The following ERCC6L2 variants were observed in gnomAD, a reference collection of about 807,000 sequenced individuals.
ERCC6L2 encodes ERCC excision repair 6 like 2.
ERCC6L2 carries 77 observed loss-of-function variants against 132.0 expected under a neutral mutation model. That is an observed-to-expected ratio of 0.58 (90% CI 0.49 to 0.71). The LOEUF is 0.71. Among genes scored for constraint, ERCC6L2 ranks in the 30% least tolerant of loss-of-function variants. ERCC6L2 has a pLI of 0.00. For synonymous variants in ERCC6L2, 583 were observed against 632.4 expected (o/e 0.92, Z 1.17); for missense variants, 1,542 against 1,837.6 (o/e 0.84, Z 2.94).
At chr9:95,931,811 T>G (rs1273076492) in intron 11 of ERCC6L2, among the ~76,000 whole-genome samples, 1 of 151,954 alleles carries the variant, frequency 6.6e-6, no homozygotes, top group Non-Finnish European at 1.5e-5. Flanking sequence ...TTTTTTGTGC[T>G]GGGTACAGTA....
At chr9:95,988,340 T>C (rs636456) in intron 17 of ERCC6L2, among the ~76,000 whole-genome samples, 95,907 of 152,076 alleles carry the variant, frequency 0.63, 30,735 homozygotes, top group African/African-American at 0.72. Context: ...CTAGGATCTG[T>C]TCTCACCGCT....
intron 13 of ERCC6L2, among the ~76,000 whole-genome samples, chr9:95,960,045 A>G (rs1480853300): frequency 1.3e-5 from 2 of 152,130 alleles, no homozygotes; most frequent in East Asian, 1.9e-4. Flanking sequence ...ATCCTATCCC[A>G]TTTGGACCAA....
intron 2 of ERCC6L2, among the ~76,000 whole-genome samples, chr9:95,882,716 A>G (rs1189829788): frequency 6.6e-6 from 1 of 152,216 alleles, no homozygotes; most frequent in East Asian, 1.9e-4. Flanking sequence ...GTCTGGTGTG[A>G]AAAACTAGGC....
At chr9:95,935,053 A>C (rs990623650) in intron 11 of ERCC6L2, among the ~76,000 whole-genome samples, 1 of 152,192 alleles carries the variant, frequency 6.6e-6, no homozygotes, top group Non-Finnish European at 1.5e-5. Flanking sequence ...TCAACTACTA[A>C]TATCTTCATG....
At chr9:95,976,732 GCTT>G (rs1832688773) in intron 16 of ERCC6L2, among the ~76,000 whole-genome samples, 2 of 152,102 alleles carry the variant, frequency 1.3e-5, no homozygotes, top group African/African-American at 2.4e-5. Context: ...AGATTCTCCT[GCTT>G]CTTCTGCTGT....
intron 11 of ERCC6L2, among the ~76,000 whole-genome samples, chr9:95,932,859 C>T (rs773547058): frequency 1.3e-5 from 2 of 152,102 alleles, no homozygotes; most frequent in East Asian, 1.9e-4. Context: ...GTCCTCAGTT[C>T]GAAAAGAGCA....
At position 95,947,968 on chromosome 9, in the gene ERCC6L2, T is replaced by C. The variant is rs141248028; in HGVS notation, c.1847+6419T>C. 2.0e-3 allele frequency among the ~76,000 whole-genome samples: 306 copies of C among 152,362 alleles called. 4 individuals are homozygous for C. The highest frequency in any genetic ancestry group is 3.1e-4 in the Non-Finnish European group (21 of 68,034). ...GTTCTGATGGAGATATACAAGGAGA[T>C]TAATGTTGTTTATGCAGTAACACAA... On this transcript the variant is annotated intron_variant, in intron 12 of 18. Coordinates refer to ENST00000653738, the MANE Select transcript of ERCC6L2 (RefSeq NM_020207.7).
At chr9:95,907,494 C>T (rs1005052457) in intron 4 of ERCC6L2, among the ~76,000 whole-genome samples, 7 of 151,562 alleles carry the variant, frequency 4.6e-5, no homozygotes, top group African/African-American at 1.5e-4. Context: ...TGTGAGCCAC[C>T]GTGCCAAGCC....
chr9:96,012,585 TAGAGA>T lies in ERCC6L2; in HGVS notation c.4040_4044del (p.Glu1347GlyfsTer4). The T allele has an allele frequency of 7.3e-7, 1 of 1,367,624 alleles. No individual in the cohort carries two copies. Among genetic ancestry groups the T allele is most frequent in the Admixed American group, 1.9e-5 (1 of 52,582 alleles). The allele number at this position is 1,367,624 out of a possible 1,614,324, so 84.7% of individuals were successfully genotyped here. On this transcript the variant is annotated frameshift_variant, in exon 19 of 19. Coordinates refer to ENST00000653738, the MANE Select transcript of ERCC6L2 (RefSeq NM_020207.7). LOFTEE classifies it low-confidence loss of function (END_TRUNC). ...TTAAGTTTCAGAATCATATTTCCTA[TAGAGA>T]AGAGGTGTTTTTTAATGATGCAGAA...
intron 11 of ERCC6L2, among the ~76,000 whole-genome samples, chr9:95,939,094 A>T (rs1247164511): frequency 6.6e-6 from 1 of 151,984 alleles, no homozygotes; most frequent in Non-Finnish European, 1.5e-5. Context: ...CACTTTTAAG[A>T]TATTATTGTC....
At position 96,015,571 on chromosome 9, in the gene ERCC6L2, G is replaced by C. The variant is rs1465559520; in HGVS notation, c.*2368G>C. On this transcript the variant is annotated 3_prime_UTR_variant, in exon 19 of 19. Transcript: ENST00000653738. ...AGCACTTTGGGAGGCCGAGGCAGGCGGATCACAAGGTCATGAGATCGAGAC... is the reference window on the plus strand; with the variant it reads ...AGCACTTTGGGAGGCCGAGGCAGGCCGATCACAAGGTCATGAGATCGAGAC... Among the ~76,000 whole-genome samples, 1 of 151,656 alleles carries C rather than the reference G, an allele frequency of 6.6e-6. No homozygotes were observed. Among genetic ancestry groups the C allele is most frequent in the African/African-American group, 2.4e-5 (1 of 41,374 alleles).
intron 16 of ERCC6L2, among the ~76,000 whole-genome samples, chr9:95,977,733 T>C (rs1832726893): frequency 1.3e-5 from 2 of 151,520 alleles, no homozygotes; most frequent in African/African-American, 4.8e-5. Flanking sequence ...TTAGTGAACA[T>C]CTTTTTTTTT....
chr9:95,973,228 A>T (rs1350714053), intron 16 of ERCC6L2, 140 bp downstream of exon 16: 1 of 506,694 alleles, frequency 2.0e-6, no homozygotes, highest in Non-Finnish European at 3.2e-6. Flanking sequence ...ACGGTTGGGT[A>T]GCAGGATAAA....
At chr9:95,879,933 A>G (rs556159846) in intron 1 of ERCC6L2, among the ~76,000 whole-genome samples, 313 of 152,306 alleles carry the variant, frequency 2.1e-3, no homozygotes, top group Non-Finnish European at 3.4e-3. Context: ...GCCATAAGAA[A>G]TTCCATTTGG....
At chr9:96,018,887 T>C (rs1451373015), downstream of ERCC6L2, among the ~76,000 whole-genome samples, 1 of 152,230 alleles carries the variant, frequency 6.6e-6, no homozygotes, top group African/African-American at 2.4e-5. Context: ...TCTGACATTC[T>C]TGGTTTTTTG....
intron 4 of ERCC6L2, among the ~76,000 whole-genome samples, chr9:95,907,501 A>G (rs534772461): frequency 3.0e-4 from 46 of 151,956 alleles, no homozygotes; most frequent in Admixed American, 1.7e-3. Flanking sequence ...CACCGTGCCA[A>G]GCCTATATTG....
At chr9:95,954,573 A>G (rs1053229573) in intron 12 of ERCC6L2, among the ~76,000 whole-genome samples, 4 of 152,208 alleles carry the variant, frequency 2.6e-5, no homozygotes, top group Non-Finnish European at 5.9e-5. Flanking sequence ...TCAAGAAATG[A>G]TGAAGTATAG....
chr9:95,974,663 T>C (rs1478585548), intron 16 of ERCC6L2, among the ~76,000 whole-genome samples: 1 of 152,108 alleles, frequency 6.6e-6, no homozygotes, highest in African/African-American at 2.4e-5. Flanking sequence ...CTGGTGCTAG[T>C]AATGAACATT....
Position 95,972,848 on chromosome 9 carries a change from C to G in ERCC6L2, c.3097C>G (p.His1033Asp), listed in dbSNP as rs775179099. 3.8e-6 allele frequency: 5 copies of G among 1,304,954 alleles called. No individual in the cohort carries two copies. The highest frequency in any genetic ancestry group is 4.0e-6 in the Non-Finnish European group (4 of 988,882). The allele number at this position is 1,304,954 out of a possible 1,614,324, so 80.8% of individuals were successfully genotyped here. A position where few individuals can be genotyped will look rare whatever the true frequency, so the allele number is the denominator to read the frequency against. The change falls in exon 16 of 19, where the codon CAT (histidine) becomes GAT (aspartate). Residue 1033 changes from histidine (H) to aspartate (D), a missense_variant. His to Asp is a moderately conservative substitution (Grantham distance 81). Coordinates refer to ENST00000653738, the MANE Select transcript of ERCC6L2 (RefSeq NM_020207.7). ...TNQVYAANED[H>D]NSQFIDDYSS... ...CCAAGTGTATGCAGCAAATGAGGATCATAACTCTCAGTTTATTGATGATTA... is the reference window on the plus strand; with the variant it reads ...CCAAGTGTATGCAGCAAATGAGGATGATAACTCTCAGTTTATTGATGATTA...
Sources: gnomAD v4.1 joint callset for allele counts (sites outside exome capture counted in the v4.1 genomes callset) on GRCh38, gnomAD v4.1.1 for gene constraint, MANE v1.5 for transcripts, NCBI Gene and HGNC (gene_info 2026-07-23, HGNC 2026-07-21) for gene names.